Variants in PDS5B observed in about 807,000 individuals in gnomAD.
PDS5B encodes the protein PDS5 cohesin associated factor B.
In PDS5B, 51 loss-of-function variants were observed where a neutral mutation model predicts 184.1. The ratio of observed to expected loss-of-function variants is 0.28; its 90% confidence interval spans 0.22 to 0.35. PDS5B has a LOEUF of 0.35. Ranked by LOEUF, PDS5B falls within the 10% of genes least tolerant of loss-of-function variation. The pLI, the probability that PDS5B is intolerant of heterozygous loss-of-function variation, is 1.00. For missense variants in PDS5B, 1,180 were observed against 1,723.3 expected (o/e 0.68, Z 5.58); for synonymous variants, 566 against 569.2 (o/e 0.99, Z 0.08).
chr13:32,630,784 C>T (rs1359775495), intron 1 of PDS5B, among the ~76,000 whole-genome samples: 2 of 146,000 alleles, frequency 1.4e-5, no homozygotes, highest in East Asian at 3.9e-4. Context: ...CAGTTCTCTT[C>T]CTTACTTTTT....
chr13:32,587,754 G>C (rs1258078842), intron 1 of PDS5B, among the ~76,000 whole-genome samples: 1 of 152,234 alleles, frequency 6.6e-6, no homozygotes, highest in East Asian at 1.9e-4. Context: ...GTCGAAGAAA[G>C]TGCTTCTCGT....
At chr13:32,759,210 A>C (rs1032802575) in intron 28 of PDS5B, among the ~76,000 whole-genome samples, 1 of 152,160 alleles carries the variant, frequency 6.6e-6, no homozygotes, top group East Asian at 1.9e-4. Flanking sequence ...AATAACCACT[A>C]TCCTCTTTTT....
chr13:32,729,087 C>A (rs1953011175), intron 19 of PDS5B, among the ~76,000 whole-genome samples: 1 of 152,086 alleles, frequency 6.6e-6, no homozygotes, highest in Admixed American at 6.5e-5. Context: ...CTAATGCTCT[C>A]CCTCCCCTTG....
chr13:32,607,628 C>T (rs1402124947), intron 1 of PDS5B, among the ~76,000 whole-genome samples: 1 of 152,222 alleles, frequency 6.6e-6, no homozygotes, highest in East Asian at 1.9e-4. Context: ...TTTCTGCTGC[C>T]TTTTGTTCAG....
At chr13:32,745,698 C>A (rs371779587) in intron 23 of PDS5B, among the ~76,000 whole-genome samples, 13 of 152,164 alleles carry the variant, frequency 8.5e-5, no homozygotes, top group Middle Eastern at 6.8e-3. Context: ...ATGGCAGAAG[C>A]GGTAAACAAG....
chr13:32,636,105 C>G (rs2058552506), intron 1 of PDS5B, among the ~76,000 whole-genome samples: 1 of 152,170 alleles, frequency 6.6e-6, no homozygotes, highest in South Asian at 2.1e-4. Context: ...TCAGCATTCC[C>G]TAAAGAGCCT....
chr13:32,737,396 G>A (rs2140963453), intron 21 of PDS5B, among the ~76,000 whole-genome samples: 1 of 152,214 alleles, frequency 6.6e-6, no homozygotes, highest in African/African-American at 2.4e-5. Context: ...ATGGGCTCAG[G>A]ATTCTTAATC....
rs757143130 is a variant in PDS5B, at chr13:32,687,259, A to C, written c.1329A>C (p.Ile443=). 1.1e-4 allele frequency: 176 copies of C among 1,593,178 alleles called. 11 individuals carry two copies. In the South Asian group the frequency reaches 2.0e-3, roughly 18 times the overall value. The change falls in exon 12 of 35, where the codon ATA becomes ATC. Residue 443 remains isoleucine (I), a synonymous_variant. Transcript: ENST00000315596. ...GGATCAAAGACAAATTGCTACATAT[A>C]TATTATCAAAATAGTATTGATGATC... ...IAWIKDKLLH[I]YYQNSIDDRL...
intron 30 of PDS5B, 41 bp from the exon 31 acceptor site, chr13:32,764,448 T>C: frequency 8.1e-7 from 1 of 1,240,010 alleles, no homozygotes; most frequent in Non-Finnish European, 1.1e-6. Context: ...CTTGTAAGGT[T>C]ATTTGATTGT....
intron 26 of PDS5B, among the ~76,000 whole-genome samples, 176 bp from the exon 27 acceptor site, chr13:32,757,911 A>G (rs983200771): frequency 6.7e-6 from 1 of 149,032 alleles, no homozygotes; most frequent in Non-Finnish European, 1.5e-5. Flanking sequence ...ACCTGTTTTT[A>G]TATGTTTGTA....
chr13:32,659,814 A>G (rs1453447967), intron 6 of PDS5B, among the ~76,000 whole-genome samples: 1 of 152,184 alleles, frequency 6.6e-6, no homozygotes, highest in Admixed American at 6.6e-5. Context: ...TCTGTTATTT[A>G]GAAGGGGTTT....
intron 1 of PDS5B, among the ~76,000 whole-genome samples, chr13:32,638,320 A>T (rs973785019): frequency 6.6e-6 from 1 of 152,228 alleles, no homozygotes; most frequent in African/African-American, 2.4e-5. Context: ...GCAAAGTCAC[A>T]TTGTAAGGGT....
At chr13:32,618,114 C>G (rs2058245611) in intron 1 of PDS5B, among the ~76,000 whole-genome samples, 1 of 152,184 alleles carries the variant, frequency 6.6e-6, no homozygotes, top group Non-Finnish European at 1.5e-5. Context: ...GGGCCTAATC[C>G]TGTTCATAAG....
At chr13:32,772,182 G>A (rs933412240) in intron 33 of PDS5B, among the ~76,000 whole-genome samples, 16 of 152,210 alleles carry the variant, frequency 1.1e-4, no homozygotes, top group African/African-American at 2.6e-4. Context: ...TGGTTCGAGC[G>A]TGAGTTAAAA....
intron 31 of PDS5B, among the ~76,000 whole-genome samples, chr13:32,765,762 C>T (rs934115898): frequency 3.3e-5 from 5 of 152,164 alleles, no homozygotes; most frequent in Non-Finnish European, 5.9e-5. Context: ...TGCCAGCATG[C>T]GTAGCCAATT....
In PDS5B at chr13:32,726,584, T is replaced by C. The variant is rs549415135; in HGVS notation, c.2124-5517T>C. 1.2e-4 allele frequency among the ~76,000 whole-genome samples: 18 copies of C among 152,354 alleles called. No homozygotes were observed. The South Asian group carries it at 3.7e-3, about 32-fold the overall frequency. On this transcript the variant is annotated intron_variant, in intron 19 of 34. Coordinates refer to ENST00000315596, the MANE Select transcript of PDS5B (RefSeq NM_015032.4). ...GTCTGCTTCCCCACAGCCTTGCCAG[T>C]AGACGATGTTGTTATGAAATATGTC...
chr13:32,678,228 A>T (rs750899565), intron 9 of PDS5B, among the ~76,000 whole-genome samples: 29 of 152,222 alleles, frequency 1.9e-4, no homozygotes, highest in Non-Finnish European at 3.2e-4. Context: ...GGCTTAAGTG[A>T]CATATCAACC....
chr13:32,743,462 G>T (rs926234702), intron 23 of PDS5B, among the ~76,000 whole-genome samples: 1 of 152,132 alleles, frequency 6.6e-6, no homozygotes, highest in African/African-American at 2.4e-5. Context: ...TGGTTATTAT[G>T]TCAGTGTTAG....
At chr13:32,756,065 T>C in intron 26 of PDS5B, 109 bp downstream of exon 26, 1 of 620,572 alleles carries the variant, frequency 1.6e-6, no homozygotes, top group Non-Finnish European at 2.9e-6. Context: ...TTTCATTTCT[T>C]AGGTGTTTAA....
Sources: gnomAD v4.1 joint callset for allele counts (sites outside exome capture counted in the v4.1 genomes callset) on GRCh38, gnomAD v4.1.1 for gene constraint, MANE v1.5 for transcripts, NCBI Gene and HGNC (gene_info 2026-07-23, HGNC 2026-07-21) for gene names.